Variants in CALN1 observed in about 807,000 individuals in gnomAD.
CALN1 encodes the protein calcium-binding protein 8.
In CALN1, 17 loss-of-function variants were observed where a neutral mutation model predicts 30.6. The observed-to-expected ratio is 0.56, with a 90% CI of 0.38 to 0.83. The LOEUF (loss-of-function observed/expected upper bound fraction) is 0.83, where lower values mean the gene tolerates loss of function less well. Among genes scored for constraint, CALN1 ranks in the 40% least tolerant of loss-of-function variants. The probability of loss-of-function intolerance (pLI) is 0.00; values close to 1 mark genes in which losing one functional copy is unlikely to be tolerated. For missense variants in CALN1, 291 were observed against 354.9 expected, an observed-to-expected ratio of 0.82 and a Z score of 1.45; for synonymous variants, 156 against 131.4, an observed-to-expected ratio of 1.19 and a Z score of -1.28.
chr7:72,268,849 T>C (rs1331210773), intron 3 of CALN1, among the ~76,000 whole-genome samples: 3 of 146,164 alleles, frequency 2.1e-5, no homozygotes, highest in Non-Finnish European at 4.6e-5. Flanking sequence ...AACATACTTC[T>C]GGGTATGACA....
intron 5 of CALN1, among the ~76,000 whole-genome samples, chr7:71,894,188 C>CG (rs1448854450): frequency 8.5e-5 from 13 of 152,084 alleles, no homozygotes; most frequent in Non-Finnish European, 1.9e-4. Context: ...TATTTATAAA[C>CG]GGGTTTAATT....
rs58282615 is a variant in CALN1, at chr7:72,246,753, A to ATTTTTTTTT, written c.244+31924_244+31932dup. Among the ~76,000 whole-genome samples the ATTTTTTTTT allele has an allele frequency of 6.1e-3, 708 of 116,492 alleles. 25 individuals carry two copies. Among genetic ancestry groups the ATTTTTTTTT allele is most frequent in the Middle Eastern group, 0.011 (2 of 178 alleles). The allele number at this position is 116,492 out of a possible 152,430, so 76.4% of individuals were successfully genotyped here. A position where few individuals can be genotyped will look rare whatever the true frequency, so the allele number is the denominator to read the frequency against. On this transcript the variant is annotated intron_variant, in intron 3 of 6. Coordinates refer to ENST00000395275, the MANE Select transcript of CALN1 (RefSeq NM_031468.4). ...AATGATCCTCATTCCTACCAGAACA[A>ATTTTTTTTT]TTTTTTTTTTTTTTTTTTGAGATGG...
In CALN1 at chr7:71,818,917, C is replaced by G. The variant is rs547774862; in HGVS notation, c.502-8425G>C. On this transcript the variant is annotated intron_variant, in intron 5 of 6. Transcript: ENST00000395275. Reference sequence around the variant, plus strand: ...TAGAGATGGGGTTTCACCATATTGGCCAGGCTGGTCTCGAACTCCTGACCT... The same window carrying G: ...TAGAGATGGGGTTTCACCATATTGGGCAGGCTGGTCTCGAACTCCTGACCT... Among the ~76,000 whole-genome samples the G allele has an allele frequency of 3.3e-3, 505 of 152,034 alleles. 3 individuals are homozygous for G. Among genetic ancestry groups the G allele is most frequent in the African/African-American group, 0.011 (467 of 41,498 alleles).
At position 72,033,974 on chromosome 7, in the gene CALN1, G is replaced by A. The variant is rs566801454; in HGVS notation, c.389-10205C>T. ...AAAGGGCATTTCAGATGGAACTAAC[G>A]AGACATGGCAACTGACTGGAAGGGC... is the stretch of plus-strand genomic sequence containing the variant. On this transcript the variant is annotated intron_variant, in intron 4 of 6. Transcript: ENST00000395275. 4.9e-4 allele frequency among the ~76,000 whole-genome samples: 75 copies of A among 152,234 alleles called. 1 individual carries two copies. Among genetic ancestry groups the A allele is most frequent in the African/African-American group, 1.6e-3 (66 of 41,556 alleles).
intron 3 of CALN1, among the ~76,000 whole-genome samples, chr7:72,192,672 T>C (rs1236769949): frequency 1.7e-5 from 2 of 115,598 alleles, no homozygotes; most frequent in East Asian, 5.6e-4. Context: ...TTATTATTAT[T>C]ATACTTTAAG....
chr7:72,234,233 C>T (rs1297806556), intron 3 of CALN1, among the ~76,000 whole-genome samples: 1 of 152,042 alleles, frequency 6.6e-6, no homozygotes, highest in African/African-American at 2.4e-5. Context: ...AGAAAAGCTG[C>T]GATCTCTGCT....
At chr7:72,099,270 C>A (rs1806469209) in intron 4 of CALN1, among the ~76,000 whole-genome samples, 1 of 113,486 alleles carries the variant, frequency 8.8e-6, no homozygotes, top group African/African-American at 3.4e-5. Flanking sequence ...GCCCCAAACA[C>A]TCCTTTTTTT....
chr7:72,415,733 G>A (rs968345550), upstream of CALN1, among the ~76,000 whole-genome samples: 4 of 152,190 alleles, frequency 2.6e-5, no homozygotes, highest in Admixed American at 6.5e-5. Flanking sequence ...AAGCCTGAGC[G>A]GTGACTAAGA....
chr7:72,175,795 G>A (rs1190315106), intron 3 of CALN1, among the ~76,000 whole-genome samples: 1 of 152,118 alleles, frequency 6.6e-6, no homozygotes, highest in South Asian at 2.1e-4. Flanking sequence ...CAAGCAGCCT[G>A]AAAGAACAGA....
chr7:72,206,463 CTTGCAATTGCATGAT>C (rs1399039798), intron 3 of CALN1, among the ~76,000 whole-genome samples: 2 of 152,192 alleles, frequency 1.3e-5, no homozygotes, highest in East Asian at 3.9e-4. Context: ...CTATATGTGA[CTTGCAATTGCATGAT>C]TTGCTTCTAC....
chr7:72,183,405 T>C (rs937072495), intron 3 of CALN1, among the ~76,000 whole-genome samples: 1 of 151,858 alleles, frequency 6.6e-6, no homozygotes, highest in African/African-American at 2.4e-5. Context: ...AGATGAAAAA[T>C]TATGAGAGTC....
At chr7:72,028,838 A>C (rs1224127744) in intron 4 of CALN1, among the ~76,000 whole-genome samples, 2 of 152,092 alleles carry the variant, frequency 1.3e-5, no homozygotes, top group East Asian at 3.9e-4. Context: ...CAAAAATACA[A>C]AAATTAGCTG....
At chr7:71,931,289 G>A (rs1453114243) in intron 5 of CALN1, among the ~76,000 whole-genome samples, 2 of 151,062 alleles carry the variant, frequency 1.3e-5, no homozygotes, top group Non-Finnish European at 2.9e-5. Context: ...TGTTTGAGAT[G>A]GAGTCTCACT....
intron 5 of CALN1, among the ~76,000 whole-genome samples, chr7:72,023,018 A>G (rs1404254106): frequency 1.3e-5 from 2 of 152,056 alleles, no homozygotes; most frequent in African/African-American, 4.8e-5. Flanking sequence ...AATTTGACAG[A>G]CAACTTACGT....
Position 72,023,635 on chromosome 7 carries a change from G to GA in CALN1, c.501+21dup, listed in dbSNP as rs200448317. 2,405 of 1,584,498 alleles carry GA rather than the reference G, an allele frequency of 1.5e-3. 25 individuals carry two copies. The African/African-American group carries it at 0.026, about 17-fold the overall frequency. On this transcript the variant is annotated intron_variant, in intron 5 of 6. Coordinates refer to ENST00000395275, the MANE Select transcript of CALN1 (RefSeq NM_031468.4). ...ACACATTTACTGTCAAACTTAGTCTGAAAAAAAATATTCTTACTCACCTGC... is the reference window on the plus strand; with the variant it reads ...ACACATTTACTGTCAAACTTAGTCTGAAAAAAAAATATTCTTACTCACCTGC...
At chr7:72,055,551 A>G (rs192860490) in intron 4 of CALN1, among the ~76,000 whole-genome samples, 5 of 152,332 alleles carry the variant, frequency 3.3e-5, no homozygotes, top group Admixed American at 3.3e-4. Context: ...TGAATAATTA[A>G]CAAATCTAAC....
intron 3 of CALN1, among the ~76,000 whole-genome samples, chr7:72,209,326 C>A (rs796916573): frequency 3.1e-3 from 12 of 3,920 alleles, no homozygotes; most frequent in East Asian, 0.042. Flanking sequence ...CCCTCCTTCC[C>A]TCTTTCCTTC....
intron 6 of CALN1, among the ~76,000 whole-genome samples, chr7:71,789,513 C>T (rs372240746): frequency 4.6e-5 from 7 of 152,084 alleles, no homozygotes; most frequent in African/African-American, 1.2e-4. Context: ...ACAAGCCCTC[C>T]GTGAGATCTT....
rs1807235438 is a variant in CALN1, at chr7:72,412,300, A to G, written c.-316T>C. 6.6e-6 allele frequency: 1 copy of G among 152,112 alleles called. No homozygotes were observed. The highest frequency in any genetic ancestry group is 6.5e-5 in the Admixed American group (1 of 15,272). 9.4% of individuals were successfully genotyped at this position (152,112 alleles called of 1,614,324 possible). On this transcript the variant is annotated 5_prime_UTR_variant, in exon 1 of 7. Transcript: ENST00000395275. ...GCTTTATTAAGAAGCAGGAAAGAAA[A>G]AAACACAAACTCAAGCGGATAGCAC... is the stretch of plus-strand genomic sequence containing the variant.
Sources: gnomAD v4.1 joint callset for allele counts (sites outside exome capture counted in the v4.1 genomes callset) on GRCh38, gnomAD v4.1.1 for gene constraint, MANE v1.5 for transcripts, NCBI Gene and HGNC (gene_info 2026-07-23, HGNC 2026-07-21) for gene names.